The following DNALI1 variants were observed in gnomAD, a reference collection of about 807,000 sequenced individuals.
DNALI1 encodes the protein axonemal dynein light intermediate polypeptide 1.
A neutral mutation model predicts 33.9 loss-of-function variants in DNALI1; 31 were observed. That is an observed-to-expected ratio of 0.91 (90% CI 0.69 to 1.23). DNALI1 has a LOEUF of 1.23. Ranked by LOEUF, DNALI1 falls within the 50% of genes most tolerant of loss-of-function variation. DNALI1 has a pLI of 0.00. For synonymous variants in DNALI1, 117 were observed against 129.2 expected (o/e 0.91, Z 0.64); for missense variants, 305 against 323.8 (o/e 0.94, Z 0.44).
Position 37,557,713 on chromosome 1 carries a change from G to C in DNALI1, c.192G>C (p.Gln64His). Residue 64 changes from glutamine (Q) to histidine (H), a missense_variant, in exon 2 of 6, where the codon CAG becomes CAC. Transcript: ENST00000652629. The part of the protein sequence containing the change: ...STPCVPDPTK[Q>H]AEEILNAILP... ...CCTGTGTCCCAGATCCTACAAAGCA[G>C]GCAGAAGAAATCTTGAATGCCATAC... The C allele has an allele frequency of 6.2e-7, 1 of 1,613,864 alleles. No individual in the cohort carries two copies. Among genetic ancestry groups the C allele is most frequent in the Non-Finnish European group, 8.5e-7 (1 of 1,179,904 alleles).
Position 37,557,083 on chromosome 1 carries a change from CGG to C in DNALI1, c.81+12_81+13del. On this transcript the variant is annotated intron_variant, in intron 1 of 5. Coordinates refer to ENST00000652629, the MANE Select transcript of DNALI1 (RefSeq NM_003462.5). ...GAGAAACGGAGCCCCAAGGTAAAGA[CGG>C]GGGCTCGGGAGACAAAGGAGCCTCG... 1 of 1,614,086 alleles carries C rather than the reference CGG, an allele frequency of 6.2e-7. No individual in the cohort carries two copies. Among genetic ancestry groups the C allele is most frequent in the South Asian group, 1.1e-5 (1 of 91,078 alleles).
Position 37,561,710 on chromosome 1 carries a change from A to AG in DNALI1, c.555dup (p.Lys186GlufsTer30). 6.2e-7 allele frequency: 1 copy of AG among 1,614,026 alleles called. No individual in the cohort carries two copies. The highest frequency in any genetic ancestry group is 1.1e-5 in the South Asian group (1 of 91,074). ...ATGAGGAAGGCACTGCAGGCTGAGCAGGGGAAGTCAGACATGGAGAGGAAA... is the reference window on the plus strand; with the variant it reads ...ATGAGGAAGGCACTGCAGGCTGAGCAGGGGGAAGTCAGACATGGAGAGGAAA... On this transcript the variant is annotated frameshift_variant, in exon 4 of 6. Coordinates refer to ENST00000652629, the MANE Select transcript of DNALI1 (RefSeq NM_003462.5). LOFTEE classifies it high-confidence loss of function. This position sits in a 1 kb window ranked among gnomAD's most constrained non-coding sequence, Gnocchi z 4.6.
intron 5 of DNALI1, 115 bp from the exon 6 acceptor site, chr1:37,564,910 AG>A: frequency 9.2e-7 from 1 of 1,088,072 alleles, no homozygotes; most frequent in South Asian, 1.3e-5. Context: ...AAGGGGAAAA[AG>A]AACCCTTGGA....
chr1:37,563,531 C>T (rs1643464194), intron 5 of DNALI1, among the ~76,000 whole-genome samples: 1 of 152,116 alleles, frequency 6.6e-6, no homozygotes, highest in Non-Finnish European at 1.5e-5. Context: ...GCTCTTGTTG[C>T]CCAGGCTGGA....
At chr1:37,557,576 C>T in intron 1 of DNALI1, 27 bp from the exon 2 acceptor site, 2 of 1,600,556 alleles carry the variant, frequency 1.2e-6, no homozygotes, top group Non-Finnish European at 1.7e-6. Context: ...GAACAATTTC[C>T]TGCCCTCACC....
chr1:37,564,527 C>T (rs184686355), intron 5 of DNALI1, among the ~76,000 whole-genome samples: 2 of 152,102 alleles, frequency 1.3e-5, no homozygotes, highest in African/African-American at 4.8e-5. Flanking sequence ...GGACTACAGA[C>T]GCCTGCCACC....
Position 37,557,762 on chromosome 1 carries a change from A to G in DNALI1, c.227+14A>G. Reference sequence around the variant, plus strand: ...ACTACCCCCAAGGTAAGAAAGTAGGAGCAGTGGCTGGGAGAAGGCCTAAGC... The same window carrying G: ...ACTACCCCCAAGGTAAGAAAGTAGGGGCAGTGGCTGGGAGAAGGCCTAAGC... On this transcript the variant is annotated intron_variant, in intron 2 of 5. Coordinates refer to ENST00000652629, the MANE Select transcript of DNALI1 (RefSeq NM_003462.5). The G allele has an allele frequency of 6.2e-7, 1 of 1,613,468 alleles. No homozygotes were observed. Among genetic ancestry groups the G allele is most frequent in the East Asian group, 2.2e-5 (1 of 44,818 alleles).
At position 37,559,554 on chromosome 1, in the gene DNALI1, C is replaced by T; in HGVS notation, c.397+58C>T. On this transcript the variant is annotated intron_variant, in intron 3 of 5. Coordinates refer to ENST00000652629, the MANE Select transcript of DNALI1 (RefSeq NM_003462.5). This position sits in a 1 kb window ranked among gnomAD's most constrained non-coding sequence, Gnocchi z 5.3. ...CACCCTACTGCTCCCTTCCCTTCAC[C>T]TTCAGCACAGATCCAAGCCTGAGCA... 1 of 1,490,660 alleles carries T rather than the reference C, an allele frequency of 6.7e-7. No homozygotes were observed. Among genetic ancestry groups the T allele is most frequent in the South Asian group, 1.4e-5 (1 of 73,052 alleles). The allele number at this position is 1,490,660 out of a possible 1,614,324, so 92.3% of individuals were successfully genotyped here.
At chr1:37,558,588 G>T (rs1270157601) in intron 2 of DNALI1, among the ~76,000 whole-genome samples, 1 of 152,158 alleles carries the variant, frequency 6.6e-6, no homozygotes, top group Non-Finnish European at 1.5e-5. Context: ...AATCCACAGG[G>T]ACCTCACTTG....
At position 37,562,046 on chromosome 1, in the gene DNALI1, C is replaced by T. The variant is rs745808023; in HGVS notation, c.577-35C>T. The T allele has an allele frequency of 1.1e-5, 17 of 1,612,662 alleles. No homozygotes were observed. Among genetic ancestry groups the T allele is most frequent in the South Asian group, 4.4e-5 (4 of 90,980 alleles). On this transcript the variant is annotated intron_variant, in intron 4 of 5. Transcript: ENST00000652629. This position sits in a 1 kb window ranked among gnomAD's most constrained non-coding sequence, Gnocchi z 5.8. ...GGCTCACACCATTCCATTCACCTGG[C>T]GACATCCCAGGATGACTGGGCATTC...
Position 37,561,871 on chromosome 1 carries a change from T to G in DNALI1, c.576+136T>G. On this transcript the variant is annotated intron_variant, in intron 4 of 5. Coordinates refer to ENST00000652629, the MANE Select transcript of DNALI1 (RefSeq NM_003462.5). This position sits in a 1 kb window ranked among gnomAD's most constrained non-coding sequence, Gnocchi z 4.6. ...TCACGACACCTGGACTTGCATCACC[T>G]CAGTGAGGGACCCCTGGTTGAGTAT... The G allele has an allele frequency of 7.3e-7, 1 of 1,374,760 alleles. No individual in the cohort carries two copies. Among genetic ancestry groups the G allele is most frequent in the East Asian group, 2.5e-5 (1 of 40,256 alleles). 85.2% of individuals were successfully genotyped at this position (1,374,760 alleles called of 1,614,324 possible).
At position 37,566,850 on chromosome 1, in the gene DNALI1, A is replaced by T. The variant is rs115648365; in HGVS notation, c.*1789A>T. The T allele has an allele frequency of 1.9e-6, 3 of 1,611,724 alleles. No individual in the cohort carries two copies. ...TTGTATAATTTAATAAAAACCTTTT[A>T]AACATTACTGCTTTTGTCTGAATTT... On this transcript the variant is annotated 3_prime_UTR_variant, in exon 6 of 6. Coordinates refer to ENST00000652629, the MANE Select transcript of DNALI1 (RefSeq NM_003462.5).
chr1:37,564,647 C>A (rs1233514418), intron 5 of DNALI1, among the ~76,000 whole-genome samples: 1 of 152,156 alleles, frequency 6.6e-6, no homozygotes, highest in Non-Finnish European at 1.5e-5. Context: ...TCCCAAAGTG[C>A]TGGGATTACA....
In DNALI1 at chr1:37,557,024, G is replaced by A. The variant is rs1263134917; in HGVS notation, c.30G>A (p.Lys10=). ...TTCCGCCCGCAGACTCTTTGCTCAA[G>A]TACGACACCCCAGTGCTGGTGAGCC... MIPPADSLL[K]YDTPVLVSRN... is the part of the protein sequence containing the mutation. Residue 10 remains lysine, a synonymous_variant, in exon 1 of 6, where the codon AAG becomes AAA. Transcript: ENST00000652629. 1 of 1,614,232 alleles carries A rather than the reference G, an allele frequency of 6.2e-7. No homozygotes were observed. Among genetic ancestry groups the A allele is most frequent in the Non-Finnish European group, 8.5e-7 (1 of 1,180,042 alleles).
At chr1:37,557,278 T>TG (rs1643382813) in intron 1 of DNALI1, among the ~76,000 whole-genome samples, 1 of 151,998 alleles carries the variant, frequency 6.6e-6, no homozygotes, top group African/African-American at 2.4e-5. Flanking sequence ...AGATTTAGGA[T>TG]GGGGAAGGAG....
chr1:37,561,932 C>A lies in DNALI1; in HGVS notation c.577-149C>A. ...CTGGTGGTCTTGGCAGAGTTGTTTC[C>A]GCTGTAGACGCTCCATGCCAGGCAC... is the stretch of plus-strand genomic sequence containing the variant. On this transcript the variant is annotated intron_variant, in intron 4 of 5. Coordinates refer to ENST00000652629, the MANE Select transcript of DNALI1 (RefSeq NM_003462.5). The surrounding 1 kb of genome is among the most constrained non-coding windows in gnomAD (Gnocchi z 4.6). 2 of 1,393,748 alleles carry A rather than the reference C, an allele frequency of 1.4e-6. No individual in the cohort carries two copies. Among genetic ancestry groups the A allele is most frequent in the East Asian group, 4.7e-5 (2 of 42,590 alleles). 86.3% of individuals were successfully genotyped at this position (1,393,748 alleles called of 1,614,324 possible).
Position 37,562,166 on chromosome 1 carries a change from AGAGCGAGAG to A in DNALI1, c.664_672del (p.Ser222_Arg224del). ...AAATGTGAAGCCACTGAGAAGCGGG[AGAGCGAGAG>A]GCGGCAGGTGGAGGAGAAGAAGCAC... On this transcript the variant is annotated inframe_deletion, in exon 5 of 6. Transcript: ENST00000652629. This position sits in a 1 kb window ranked among gnomAD's most constrained non-coding sequence, Gnocchi z 5.8. The A allele has an allele frequency of 6.2e-7, 1 of 1,614,022 alleles. No individual in the cohort carries two copies. The highest frequency in any genetic ancestry group is 8.5e-7 in the Non-Finnish European group (1 of 1,179,976).
intron 3 of DNALI1, chr1:37,560,972 C>CAAA (rs1643431225): frequency 6.6e-6 from 1 of 152,498 alleles, no homozygotes; most frequent in Non-Finnish European, 1.5e-5. Flanking sequence ...GGCTGTCTCC[C>CAAA]AGCCCAGTCT....
rs1643487637 is a variant in DNALI1 at position 37,565,356 on chromosome 1, AAATTCT to A, written c.*298_*303del. ...AGCCAGCCTTGGGAACTGCCAACTC[AAATTCT>A]AAGAAAGCCACTGCTTTCTCATCAT... is the stretch of plus-strand genomic sequence containing the variant. On this transcript the variant is annotated 3_prime_UTR_variant, in exon 6 of 6. Coordinates refer to ENST00000652629, the MANE Select transcript of DNALI1 (RefSeq NM_003462.5). 2.3e-6 allele frequency: 1 copy of A among 435,270 alleles called. No individual in the cohort carries two copies. The highest frequency in any genetic ancestry group is 3.8e-5 in the Admixed American group (1 of 26,038). 27.0% of individuals were successfully genotyped at this position (435,270 alleles called of 1,614,324 possible).
Sources: allele counts gnomAD v4.1 joint callset (sites outside exome capture counted in the v4.1 genomes callset), GRCh38; gene constraint gnomAD v4.1.1; non-coding constraint Gnocchi (gnomAD v3.1); transcripts MANE v1.5; gene names NCBI Gene and HGNC (gene_info 2026-07-23, HGNC 2026-07-21).